KHDC1: variants seen among roughly 807,000 people sequenced by gnomAD.
KHDC1 encodes the protein KH homology domain-containing protein 1.
KHDC1 carries 21 observed loss-of-function variants against 24.7 expected under a neutral mutation model. The observed-to-expected ratio is 0.85, with a 90% CI of 0.60 to 1.23. The LOEUF (loss-of-function observed/expected upper bound fraction) is 1.23, where lower values mean the gene tolerates loss of function less well. Ranked by LOEUF, KHDC1 falls within the 50% of genes most tolerant of loss-of-function variation. The probability of loss-of-function intolerance (pLI) is 0.00; values close to 1 mark genes in which losing one functional copy is unlikely to be tolerated. For missense variants in KHDC1, 274 were observed against 298.5 expected, an observed-to-expected ratio of 0.92 and a Z score of 0.61; for synonymous variants, 98 against 111.7, an observed-to-expected ratio of 0.88 and a Z score of 0.77.
At chr6:73,251,795 TTTTC>T (rs200361967) in intron 2 of KHDC1, among the ~76,000 whole-genome samples, 87 of 150,192 alleles carry the variant, frequency 5.8e-4, no homozygotes, top group African/African-American at 1.4e-3. Context: ...TTTTCTTTTC[TTTTC>T]TTTTTTTTTT....
intron 2 of KHDC1, among the ~76,000 whole-genome samples, chr6:73,261,477 A>G (rs1367508002): frequency 6.6e-6 from 1 of 150,750 alleles, no homozygotes; most frequent in Non-Finnish European, 1.5e-5. Context: ...AAAAATAAGC[A>G]TAGACTCTAG....
At chr6:73,309,038 G>C (rs764368609) in intron 1 of KHDC1, among the ~76,000 whole-genome samples, 1 of 152,032 alleles carries the variant, frequency 6.6e-6, no homozygotes, top group Non-Finnish European at 1.5e-5. Flanking sequence ...TTGGCCAGGC[G>C]GGTCTGAAAC....
chr6:73,303,047 A>G (rs2150754553), intron 1 of KHDC1, among the ~76,000 whole-genome samples: 1 of 152,382 alleles, frequency 6.6e-6, no homozygotes, highest in East Asian at 1.9e-4. Context: ...ACTGCACTCC[A>G]GCCTGGGCAA....
chr6:73,305,268 A>G (rs1367771385), intron 1 of KHDC1, among the ~76,000 whole-genome samples: 1 of 151,232 alleles, frequency 6.6e-6, no homozygotes. Context: ...TATAAAAAAT[A>G]TAGAGAGAGA....
In KHDC1 at chr6:73,242,369, A is replaced by C. The variant is rs777234660; in HGVS notation, c.331+37T>G. 6 of 1,613,580 alleles carry C rather than the reference A, an allele frequency of 3.7e-6. No individual in the cohort carries two copies. In the South Asian group the frequency reaches 6.6e-5, roughly 18 times the overall value. On this transcript the variant is annotated intron_variant, in intron 3 of 4. Coordinates refer to ENST00000370384, the Ensembl canonical transcript of KHDC1. Reference sequence around the variant, plus strand: ...GAGGAAGAGTGAAAACTGAGAAGACAAGGATGAAGAAGGGGACGTGGGCAA... The same window carrying C: ...GAGGAAGAGTGAAAACTGAGAAGACCAGGATGAAGAAGGGGACGTGGGCAA...
intron 2 of KHDC1, among the ~76,000 whole-genome samples, chr6:73,261,908 T>C (rs569592122): frequency 7.0e-6 from 1 of 142,828 alleles, no homozygotes; most frequent in Admixed American, 7.1e-5. Flanking sequence ...CAAGACTCCA[T>C]CTCAAAAAAA....
chr6:73,291,241 G>A (rs768629248), intron 2 of KHDC1: 1 of 403,758 alleles, frequency 2.5e-6, no homozygotes, highest in Non-Finnish European at 4.9e-6. Flanking sequence ...CCACTGAATG[G>A]GTAAGAATAA....
chr6:73,301,270 C>T (rs1294524493), intron 1 of KHDC1: 1 of 152,040 alleles, frequency 6.6e-6, no homozygotes, highest in Non-Finnish European at 1.5e-5. Context: ...TCATAATCTA[C>T]ACAGAGTTTT....
intron 2 of KHDC1, among the ~76,000 whole-genome samples, chr6:73,254,933 C>G (rs1419897362): frequency 6.6e-6 from 1 of 151,100 alleles, no homozygotes; most frequent in Admixed American, 6.6e-5. Context: ...CCCCGGGAGG[C>G]AGAGTTTGCA....
At chr6:73,285,366 C>G (rs1472934324) in intron 2 of KHDC1, among the ~76,000 whole-genome samples, 1 of 149,708 alleles carries the variant, frequency 6.7e-6, no homozygotes, top group Non-Finnish European at 1.5e-5. Flanking sequence ...GAATCCAGCT[C>G]TGTAGCCCAG....
intron 2 of KHDC1, among the ~76,000 whole-genome samples, chr6:73,281,334 C>T (rs1276043214): frequency 1.3e-5 from 2 of 148,664 alleles, no homozygotes; most frequent in Non-Finnish European, 3.0e-5. Flanking sequence ...ACGAGACTCT[C>T]TCAAAAAAAA....
chr6:73,297,052 CA>C (rs1388932831), intron 1 of KHDC1, among the ~76,000 whole-genome samples: 1 of 152,064 alleles, frequency 6.6e-6, no homozygotes, highest in African/African-American at 2.4e-5. Flanking sequence ...AGGCACGTGC[CA>C]CCATGCCTGG....
chr6:73,268,820 C>T (rs1004887753), intron 2 of KHDC1: 2 of 153,138 alleles, frequency 1.3e-5, no homozygotes, highest in African/African-American at 4.8e-5. Flanking sequence ...CCTAGTGGAT[C>T]CTGCACCAGG....
rs1413784061 is a variant in KHDC1, at chr6:73,242,542, T to C, written c.207-12A>G. On this transcript the variant is annotated splice_polypyrimidine_tract_variant and intron_variant, in intron 2 of 4. Transcript: ENST00000370384. ...TGCTCTGCTCCGACCTGATACAGAA[T>C]AGGGCCAAGTCCAAGCAACTGGTTG... 1 of 1,613,908 alleles carries C rather than the reference T, an allele frequency of 6.2e-7. No homozygotes were observed. Among genetic ancestry groups the C allele is most frequent in the African/African-American group, 1.3e-5 (1 of 74,998 alleles).
At chr6:73,248,791 T>A (rs754471107) in intron 2 of KHDC1, among the ~76,000 whole-genome samples, 67 of 152,194 alleles carry the variant, frequency 4.4e-4, no homozygotes, top group Non-Finnish European at 9.0e-4. Context: ...GCCAACCATC[T>A]GACTTTTCCT....
chr6:73,243,685 C>T (rs1021948253), intron 2 of KHDC1, among the ~76,000 whole-genome samples: 3 of 152,228 alleles, frequency 2.0e-5, no homozygotes, highest in Non-Finnish European at 4.4e-5. Flanking sequence ...TGCCCCAACT[C>T]TATCTGAATC....
At chr6:73,286,952 G>A (rs916385991) in intron 2 of KHDC1, among the ~76,000 whole-genome samples, 9 of 151,688 alleles carry the variant, frequency 5.9e-5, no homozygotes, top group Non-Finnish European at 1.3e-4. Flanking sequence ...GAAAGATGAC[G>A]CAATCCTACT....
chr6:73,290,848 G>C (rs1365055400), intron 2 of KHDC1: 1 of 345,246 alleles, frequency 2.9e-6, no homozygotes, highest in Non-Finnish European at 5.6e-6. Context: ...TACCACTGCT[G>C]TATGTAACAG....
At chr6:73,287,199 G>A (rs1034509301) in intron 2 of KHDC1, among the ~76,000 whole-genome samples, 2 of 152,136 alleles carry the variant, frequency 1.3e-5, no homozygotes, top group African/African-American at 4.8e-5. Flanking sequence ...GTTCAGTAGT[G>A]GCTCTTCTCT....
Sources: gnomAD v4.1 joint callset for allele counts (sites outside exome capture counted in the v4.1 genomes callset) on GRCh38, gnomAD v4.1.1 for gene constraint, MANE v1.5 for transcripts, NCBI Gene and HGNC (gene_info 2026-07-23, HGNC 2026-07-21) for gene names.